SPOCK3: variants seen among roughly 807,000 people sequenced by gnomAD.
The protein encoded by SPOCK3 is SPARC (osteonectin), cwcv and kazal like domains proteoglycan 3.
In SPOCK3, 30 loss-of-function variants were observed where a neutral mutation model predicts 56.6. That is an observed-to-expected ratio of 0.53 (90% CI 0.40 to 0.72). SPOCK3 has a LOEUF of 0.72. Among genes scored for constraint, SPOCK3 ranks in the 30% least tolerant of loss-of-function variants. The pLI is 0.00. For synonymous variants in SPOCK3, 196 were observed against 183.3 expected (o/e 1.07, Z -0.56); for missense variants, 527 against 530.0 (o/e 0.99, Z 0.06).
intron 8 of SPOCK3, among the ~76,000 whole-genome samples, chr4:166,747,050 G>C (rs10023990): frequency 0.015 from 2,288 of 150,526 alleles, 64 homozygotes; most frequent in African/African-American, 0.053. Context: ...AATTCTACCA[G>C]ATGTACAAGG....
At chr4:166,838,645 A>G (rs930282882) in intron 6 of SPOCK3, among the ~76,000 whole-genome samples, 4 of 148,388 alleles carry the variant, frequency 2.7e-5, no homozygotes, top group African/African-American at 1.0e-4. Context: ...TATCTTTATC[A>G]TTGCTACATT....
chr4:166,851,500 T>C (rs1730082601), intron 6 of SPOCK3, among the ~76,000 whole-genome samples: 1 of 152,158 alleles, frequency 6.6e-6, no homozygotes, highest in Non-Finnish European at 1.5e-5. Context: ...GAAGAAGGCT[T>C]CAGATGATCA....
chr4:166,789,430 A>C (rs1232381709), intron 7 of SPOCK3, among the ~76,000 whole-genome samples: 1 of 152,078 alleles, frequency 6.6e-6, no homozygotes, highest in Non-Finnish European at 1.5e-5. Flanking sequence ...ACGCTGTCTC[A>C]AAAAAAGAAA....
chr4:166,895,253 T>C (rs1010814503), intron 5 of SPOCK3, among the ~76,000 whole-genome samples: 1 of 152,038 alleles, frequency 6.6e-6, no homozygotes, highest in Non-Finnish European at 1.5e-5. Context: ...TACCTTAGTA[T>C]ATAATACGAG....
intron 3 of SPOCK3, among the ~76,000 whole-genome samples, chr4:167,059,616 T>C (rs1002871161): frequency 6.6e-6 from 1 of 151,838 alleles, no homozygotes; most frequent in Non-Finnish European, 1.5e-5. Flanking sequence ...GATCTAGAAC[T>C]AGAAATACCA....
intron 2 of SPOCK3, chr4:167,119,788 C>G: frequency 6.5e-7 from 1 of 1,530,756 alleles, no homozygotes; most frequent in Non-Finnish European, 8.8e-7. Flanking sequence ...TAACAATTTT[C>G]ATTACCTGAC....
chr4:167,111,637 T>C (rs1050063631), intron 2 of SPOCK3, among the ~76,000 whole-genome samples: 3 of 152,156 alleles, frequency 2.0e-5, no homozygotes, highest in African/African-American at 7.2e-5. Flanking sequence ...AGTTGAGTTA[T>C]GGGAAGATTG....
chr4:166,754,816 G>C lies in SPOCK3; in HGVS notation c.710-87C>G. 6 of 1,189,462 alleles carry C rather than the reference G, an allele frequency of 5.0e-6. No individual in the cohort carries two copies. The East Asian group carries it at 7.2e-5, about 14-fold the overall frequency. 73.7% of individuals were successfully genotyped at this position (1,189,462 alleles called of 1,614,324 possible). Reference sequence around the variant, plus strand: ...AATAAGTCAACATAGCAGGTAGCTAGTGTAGGACATCTAATGAATAGTTAG... The same window carrying C: ...AATAAGTCAACATAGCAGGTAGCTACTGTAGGACATCTAATGAATAGTTAG... On this transcript the variant is annotated intron_variant, in intron 7 of 10. Coordinates refer to ENST00000357545, the MANE Select transcript of SPOCK3 (RefSeq NM_001040159.2).
intron 4 of SPOCK3, among the ~76,000 whole-genome samples, chr4:166,941,228 A>C (rs1239565577): frequency 6.6e-6 from 1 of 152,140 alleles, no homozygotes; most frequent in Admixed American, 6.5e-5. Flanking sequence ...GGAATTTAAA[A>C]CCATAAGAAA....
intron 2 of SPOCK3, among the ~76,000 whole-genome samples, chr4:167,171,487 A>G (rs901194548): frequency 1.3e-5 from 2 of 152,172 alleles, no homozygotes; most frequent in Admixed American, 6.6e-5. Context: ...CTAATAATCA[A>G]TTGCTTAATC....
chr4:167,122,115 T>C (rs1224294584), intron 2 of SPOCK3, among the ~76,000 whole-genome samples: 1 of 145,210 alleles, frequency 6.9e-6, no homozygotes, highest in Non-Finnish European at 1.6e-5. Context: ...TCTCTTCTCT[T>C]TTTTCTTTTT....
At chr4:166,993,296 T>C (rs1417306796) in intron 4 of SPOCK3, among the ~76,000 whole-genome samples, 1 of 152,138 alleles carries the variant, frequency 6.6e-6, no homozygotes, top group Non-Finnish European at 1.5e-5. Flanking sequence ...CAAAAAAAAT[T>C]GACATCCCTT....
chr4:166,793,534 A>C (rs1213916068), intron 6 of SPOCK3, among the ~76,000 whole-genome samples: 2 of 151,894 alleles, frequency 1.3e-5, no homozygotes, highest in Non-Finnish European at 2.9e-5. Flanking sequence ...CCTGGGCCAC[A>C]TGTGGCCTGT....
intron 9 of SPOCK3, among the ~76,000 whole-genome samples, chr4:166,740,270 T>A (rs868123385): frequency 6.6e-6 from 1 of 152,116 alleles, no homozygotes; most frequent in Non-Finnish European, 1.5e-5. Flanking sequence ...TTTAGTGTTC[T>A]CTATAATAAT....
At chr4:166,878,877 A>C (rs976307329) in intron 6 of SPOCK3, among the ~76,000 whole-genome samples, 1 of 152,198 alleles carries the variant, frequency 6.6e-6, no homozygotes, top group Non-Finnish European at 1.5e-5. Flanking sequence ...TGAAGCAAGG[A>C]TACAAATAGC....
At chr4:167,017,846 A>C (rs1209061278) in intron 3 of SPOCK3, among the ~76,000 whole-genome samples, 5 of 152,136 alleles carry the variant, frequency 3.3e-5, no homozygotes, top group African/African-American at 1.2e-4. Context: ...AATTAAAAAC[A>C]GGATATTGAT....
intron 2 of SPOCK3, among the ~76,000 whole-genome samples, chr4:167,211,226 T>C (rs1362891895): frequency 1.3e-5 from 2 of 152,148 alleles, no homozygotes; most frequent in African/African-American, 4.8e-5. Context: ...TTGGAATGCG[T>C]GTATTTACCC....
At chr4:166,900,145 T>G (rs747360285) in intron 5 of SPOCK3, among the ~76,000 whole-genome samples, 1 of 152,164 alleles carries the variant, frequency 6.6e-6, no homozygotes, top group South Asian at 2.1e-4. Flanking sequence ...TGTTCCAGTT[T>G]TACCAGCTGT....
Position 166,735,002 on chromosome 4 carries a change from A to C in SPOCK3, c.1221T>G (p.Asn407Lys). 2 of 1,552,198 alleles carry C rather than the reference A, an allele frequency of 1.3e-6. No homozygotes were observed. The highest frequency in any genetic ancestry group is 1.7e-4 in the Middle Eastern group (1 of 5,908). Reference sequence around the variant, plus strand: ...CATCATCTTCAATTTCATCTTCATCATTCATAATATCGTCTTCATCATCCT... The same window carrying C: ...CATCATCTTCAATTTCATCTTCATCCTTCATAATATCGTCTTCATCATCCT... Reference protein sequence around the residue: ...DDEDDEDDIMNDEDEIEDDDE... With the variant: ...DDEDDEDDIMKDEDEIEDDDE... Residue 407 changes from asparagine (N) to lysine (K), a missense_variant, in exon 11 of 11, where the codon AAT (asparagine) becomes AAG (lysine). Physicochemically the swap from Asn to Lys is moderately conservative, Grantham distance 94. Coordinates refer to ENST00000357545, the MANE Select transcript of SPOCK3 (RefSeq NM_001040159.2).
Sources: gnomAD v4.1 joint callset for allele counts (sites outside exome capture counted in the v4.1 genomes callset) on GRCh38, gnomAD v4.1.1 for gene constraint, MANE v1.5 for transcripts, NCBI Gene and HGNC (gene_info 2026-07-23, HGNC 2026-07-21) for gene names.